Variants in CREBBP observed in about 807,000 individuals in gnomAD.
CREBBP encodes CREB binding lysine acetyltransferase.
CREBBP carries 19 observed loss-of-function variants against 265.0 expected under a neutral mutation model. The ratio of observed to expected loss-of-function variants is 0.07; its 90% CI spans 0.05 to 0.11. The LOEUF is 0.11. CREBBP is among the 10% of genes least tolerant of loss of function. CREBBP has a pLI of 1.00. For synonymous variants in CREBBP, 1,457 were observed against 1,223.7 expected (o/e 1.19, Z -3.98); for missense variants, 2,525 against 3,219.0 (o/e 0.78, Z 5.22).
intron 8 of CREBBP, among the ~76,000 whole-genome samples, chr16:3,779,701 C>A (rs533700295): frequency 1.3e-5 from 2 of 152,036 alleles, no homozygotes; most frequent in African/African-American, 4.8e-5. Context: ...CAGAATAACA[C>A]GATTTTCAAA....
At chr16:3,807,177 T>C (rs999056363) in intron 3 of CREBBP, among the ~76,000 whole-genome samples, 1 of 152,156 alleles carries the variant, frequency 6.6e-6, no homozygotes, top group Non-Finnish European at 1.5e-5. Flanking sequence ...GACAAATTAA[T>C]TGAATGATCA....
intron 6 of CREBBP, 76 bp downstream of exon 6, chr16:3,782,608 G>A (rs1567309331): frequency 1.3e-6 from 2 of 1,560,020 alleles, no homozygotes; most frequent in Non-Finnish European, 1.7e-6. Flanking sequence ...ACTGAAAACT[G>A]CCTTGGGTTC....
At chr16:3,745,933 C>G (rs2052331501) in intron 21 of CREBBP, among the ~76,000 whole-genome samples, 1 of 152,210 alleles carries the variant, frequency 6.6e-6, no homozygotes, top group Admixed American at 6.5e-5. Context: ...TTCAAGTAAA[C>G]ACTGGTGAAG....
intron 16 of CREBBP, among the ~76,000 whole-genome samples, chr16:3,762,866 C>T (rs190466704): frequency 7.9e-5 from 12 of 151,864 alleles, no homozygotes; most frequent in Admixed American, 2.0e-4. Context: ...GCTCCGCCTC[C>T]CAGGTTCATG....
intron 14 of CREBBP, among the ~76,000 whole-genome samples, chr16:3,770,330 C>T (rs1258425410): frequency 1.3e-5 from 2 of 152,080 alleles, no homozygotes; most frequent in African/African-American, 2.4e-5. Context: ...TACAGGACTA[C>T]AGGCACACAC....
At position 3,729,847 on chromosome 16, in the gene CREBBP, T is replaced by C. The variant is rs766268098; in HGVS notation, c.5200A>G (p.Asn1734Asp). The change falls in exon 31 of 31, where the codon AAC becomes GAC. Residue 1734 changes from asparagine to aspartate, a missense_variant. Coordinates refer to ENST00000262367, the MANE Select transcript of CREBBP (RefSeq NM_004380.3). ...ATCTTATGGGCATGGCTCTTCGTGT[T>C]ATAGCAGTTGATGCAGAGGTCGTAG... is the stretch of plus-strand genomic sequence containing the variant. ...EDYDLCINCY[N>D]TKSHAHKMVK... 1.2e-5 allele frequency: 20 copies of C among 1,603,090 alleles called. No individual in the cohort carries two copies. The highest frequency in any genetic ancestry group is 4.2e-6 in the Non-Finnish European group (5 of 1,179,966).
intron 3 of CREBBP, among the ~76,000 whole-genome samples, chr16:3,797,397 T>A (rs963956414): frequency 2.0e-5 from 3 of 152,184 alleles, no homozygotes; most frequent in Admixed American, 1.3e-4. Context: ...CCCCTTATCC[T>A]CAGAGTTCAG....
At chr16:3,758,209 C>T (rs991725233) in intron 17 of CREBBP, among the ~76,000 whole-genome samples, 161 bp from the exon 18 acceptor site, 22 of 152,052 alleles carry the variant, frequency 1.4e-4, no homozygotes, top group African/African-American at 4.4e-4. Flanking sequence ...TAACCTCTGA[C>T]GCAACTGATT....
intron 25 of CREBBP, 126 bp downstream of exon 25, chr16:3,739,452 A>T: frequency 9.0e-7 from 1 of 1,106,954 alleles, no homozygotes; most frequent in African/African-American, 1.6e-5. Flanking sequence ...TTGGTTAGTT[A>T]ATTGTGGTTT....
intron 3 of CREBBP, among the ~76,000 whole-genome samples, chr16:3,805,150 G>C (rs2053803126): frequency 2.6e-5 from 4 of 152,222 alleles, no homozygotes; most frequent in Admixed American, 2.6e-4. Flanking sequence ...TGAAGGCCCT[G>C]CATACATGTT....
intron 2 of CREBBP, among the ~76,000 whole-genome samples, chr16:3,836,866 T>C (rs2054462792): frequency 6.6e-6 from 1 of 152,198 alleles, no homozygotes; most frequent in South Asian, 2.1e-4. Flanking sequence ...CCTAGTGACG[T>C]AGTAGCTGTT....
intron 16 of CREBBP, among the ~76,000 whole-genome samples, chr16:3,760,391 GTTTTTTTTTTTTT>G (rs35861892): frequency 0.016 from 1,187 of 76,004 alleles, 13 homozygotes; most frequent in African/African-American, 0.054. Context: ...TCATGCCCAG[GTTTTTTTTTTTTT>G]TTTTTTTTTT....
chr16:3,736,749 G>A lies in CREBBP; in HGVS notation c.4461C>T (p.His1487=), dbSNP rs2052071547. The A allele has an allele frequency of 1.2e-6, 2 of 1,614,156 alleles. No homozygotes were observed. The highest frequency in any genetic ancestry group is 1.7e-6 in the Non-Finnish European group (2 of 1,180,032). ...SEGDDYIFHC[H]PPDQKIPKPK... ...GCTTGGGTATTTTTTGATCAGGTGG[G>A]TGGCAATGGAAGATGTAATCATCTC... The change falls in exon 27 of 31, where the codon CAC becomes CAT. Residue 1487 remains histidine, a synonymous_variant. Coordinates refer to ENST00000262367, the MANE Select transcript of CREBBP (RefSeq NM_004380.3).
rs1381095182 is a variant in CREBBP at position 3,850,924 on chromosome 16, C to A, written c.171G>T (p.Gly57=). Residue 57 remains glycine (G), a synonymous_variant, in exon 2 of 31, where the codon GGG becomes GGT. Coordinates refer to ENST00000262367, the MANE Select transcript of CREBBP (RefSeq NM_004380.3). ...TGGAAGCAGCATCTGGAACAAGGTT[C>A]CCACTGTTTAAAAGGCCTAATTCTC... ...NGGELGLLNS[G]NLVPDAASKH... 2 of 1,614,170 alleles carry A rather than the reference C, an allele frequency of 1.2e-6. No individual in the cohort carries two copies. The highest frequency in any genetic ancestry group is 1.1e-5 in the South Asian group (1 of 91,078).
rs554940903 is a variant in CREBBP at position 3,800,793 on chromosome 16, A to G, written c.976-7167T>C. Among the ~76,000 whole-genome samples, 3 of 152,344 alleles carry G rather than the reference A, an allele frequency of 2.0e-5. No homozygotes were observed. In the East Asian group the frequency reaches 5.8e-4, roughly 29 times the overall value. On this transcript the variant is annotated intron_variant, in intron 3 of 30. Coordinates refer to ENST00000262367, the MANE Select transcript of CREBBP (RefSeq NM_004380.3). Reference sequence around the variant, plus strand: ...AACAAAAGCCCCATGGGCGACTCCAATGCAGGAGAAGACTGTACAATTAAA... The same window carrying G: ...AACAAAAGCCCCATGGGCGACTCCAGTGCAGGAGAAGACTGTACAATTAAA...
chr16:3,794,438 T>C (rs554443368), intron 3 of CREBBP, among the ~76,000 whole-genome samples: 27 of 151,386 alleles, frequency 1.8e-4, no homozygotes, highest in African/African-American at 6.5e-4. Flanking sequence ...GAGCCACCTT[T>C]TGGATTTCAT....
chr16:3,814,098 AGT>A (rs1164645556), intron 2 of CREBBP, among the ~76,000 whole-genome samples: 2 of 151,672 alleles, frequency 1.3e-5, no homozygotes, highest in African/African-American at 4.9e-5. Flanking sequence ...GGTGAGTATG[AGT>A]GTGTGATCAG....
chr16:3,789,357 A>G (rs1008223938), intron 5 of CREBBP, among the ~76,000 whole-genome samples: 1 of 152,134 alleles, frequency 6.6e-6, no homozygotes, highest in African/African-American at 2.4e-5. Flanking sequence ...CACTGTCCCC[A>G]CTGTCTGAAA....
At chr16:3,815,767 G>A (rs760721200) in intron 2 of CREBBP, among the ~76,000 whole-genome samples, 12 of 151,894 alleles carry the variant, frequency 7.9e-5, no homozygotes, top group Admixed American at 1.3e-4. Flanking sequence ...TGGGGTGTCC[G>A]TCACCTCAAG....
Sources: gnomAD v4.1 joint callset for allele counts (sites outside exome capture counted in the v4.1 genomes callset) on GRCh38, gnomAD v4.1.1 for gene constraint, MANE v1.5 for transcripts, NCBI Gene and HGNC (gene_info 2026-07-23, HGNC 2026-07-21) for gene names.